Variants in ALMS1 observed in about 807,000 individuals in gnomAD.
The protein encoded by ALMS1 is centrosome-associated protein ALMS1.
Under a neutral mutation model 352.2 loss-of-function variants are expected in ALMS1, and 271 were observed. The ratio of observed to expected loss-of-function variants is 0.77; its 90% confidence interval spans 0.70 to 0.85. The LOEUF (loss-of-function observed/expected upper bound fraction) is 0.85, where lower values mean the gene tolerates loss of function less well. ALMS1 is among the 40% of genes least tolerant of loss of function. The pLI, the probability that ALMS1 is intolerant of heterozygous loss-of-function variation, is 0.00. For missense variants in ALMS1, 5,445 were observed against 4,870.7 expected (o/e 1.12, Z -3.51); for synonymous variants, 1,865 against 1,761.2 (o/e 1.06, Z -1.48).
chr2:73,465,060 A>T (rs7596893), intron 9 of ALMS1, among the ~76,000 whole-genome samples: 3 of 152,064 alleles, frequency 2.0e-5, no homozygotes, highest in African/African-American at 7.2e-5. Flanking sequence ...CCATCAAGCT[A>T]CCAGTGGTAA....
At chr2:73,472,922 G>A (rs182721562) in intron 9 of ALMS1, among the ~76,000 whole-genome samples, 1 of 152,180 alleles carries the variant, frequency 6.6e-6, no homozygotes, top group Admixed American at 6.6e-5. Context: ...AAAAGCCAGA[G>A]TATCAGCTGT....
At chr2:73,396,471 A>G (rs1344567328) in intron 1 of ALMS1, among the ~76,000 whole-genome samples, 1 of 144,482 alleles carries the variant, frequency 6.9e-6, no homozygotes, top group Non-Finnish European at 1.5e-5. Flanking sequence ...AAGTATTCCT[A>G]TTGGTTTTGG....
intron 2 of ALMS1, among the ~76,000 whole-genome samples, chr2:73,417,523 A>C (rs1347834172): frequency 1.3e-5 from 2 of 152,204 alleles, no homozygotes; most frequent in African/African-American, 4.8e-5. Flanking sequence ...AAACATTTAA[A>C]CGTCTGATCT....
chr2:73,486,708 T>C (rs114781490), intron 9 of ALMS1, among the ~76,000 whole-genome samples: 75 of 152,344 alleles, frequency 4.9e-4, no homozygotes, highest in African/African-American at 1.8e-3. Context: ...ATTTGTTTTA[T>C]ATATATTTTC....
chr2:73,513,234 T>C (rs1444755035), intron 10 of ALMS1, among the ~76,000 whole-genome samples: 2 of 151,966 alleles, frequency 1.3e-5, no homozygotes, highest in East Asian at 3.9e-4. Context: ...CTCCTCAACA[T>C]GTATAGCACC....
At chr2:73,386,320 C>A (rs927643756) in intron 1 of ALMS1, 128 bp downstream of exon 1, 28 of 1,302,406 alleles carry the variant, frequency 2.1e-5, no homozygotes, top group Middle Eastern at 2.7e-4. Flanking sequence ...GGCTAGTAGG[C>A]GGCCCAGACT....
upstream of ALMS1, chr2:73,385,827 C>T: frequency 1.4e-6 from 1 of 690,068 alleles, no homozygotes; most frequent in Non-Finnish European, 2.6e-6. Flanking sequence ...CCTCCCTCCC[C>T]CCCTCCTCCT....
At chr2:73,511,124 C>G (rs1235404861) in intron 10 of ALMS1, among the ~76,000 whole-genome samples, 1 of 152,210 alleles carries the variant, frequency 6.6e-6, no homozygotes, top group Non-Finnish European at 1.5e-5. Context: ...TTGCTGGACT[C>G]CTTGGGGGTG....
intron 16 of ALMS1, among the ~76,000 whole-genome samples, chr2:73,583,665 G>A (rs953078545): frequency 6.6e-6 from 1 of 152,114 alleles, no homozygotes; most frequent in Non-Finnish European, 1.5e-5. Context: ...TTTTGTACAT[G>A]GTATAAGATA....
intron 13 of ALMS1, among the ~76,000 whole-genome samples, chr2:73,552,425 A>T (rs966517479): frequency 6.6e-6 from 1 of 152,230 alleles, no homozygotes; most frequent in Non-Finnish European, 1.5e-5. Context: ...GTTGAAACAG[A>T]TAAGCCTAAG....
chr2:73,453,242 G>T lies in ALMS1; in HGVS notation c.6715G>T (p.Ala2239Ser). The T allele has an allele frequency of 2.5e-6, 4 of 1,613,910 alleles. No homozygotes were observed. The highest frequency in any genetic ancestry group is 3.4e-6 in the Non-Finnish European group (4 of 1,179,956). ...DRVVINKPES[A>S]GFRDVGSEEI... ...AGTTGTAATAAATAAACCAGAATCTGCAGGTTTTAGAGATGTTGGCTCTGA... is the reference window on the plus strand; with the variant it reads ...AGTTGTAATAAATAAACCAGAATCTTCAGGTTTTAGAGATGTTGGCTCTGA... Residue 2239 changes from alanine (A) to serine (S), a missense_variant, in exon 8 of 23, where the codon GCA (alanine) becomes TCA (serine). Transcript: ENST00000613296.
At chr2:73,603,207 C>T in intron 20 of ALMS1, 34 bp from the exon 21 acceptor site, 1 of 1,608,004 alleles carries the variant, frequency 6.2e-7, no homozygotes, top group Non-Finnish European at 8.5e-7. Context: ...GGTTAAGTCA[C>T]TGTCCACTGA....
intron 7 of ALMS1, among the ~76,000 whole-genome samples, chr2:73,438,815 A>T (rs1671657074): frequency 6.6e-6 from 1 of 151,972 alleles, no homozygotes; most frequent in South Asian, 2.1e-4. Flanking sequence ...CCAATTTCTT[A>T]GTGCCTTTAC....
At position 73,519,866 on chromosome 2, in the gene ALMS1, A is replaced by G. The variant is rs770987613; in HGVS notation, c.9631A>G (p.Lys3211Glu). The G allele has an allele frequency of 3.7e-6, 6 of 1,614,124 alleles. No homozygotes were observed. Among genetic ancestry groups the G allele is most frequent in the Middle Eastern group, 1.6e-4 (1 of 6,062 alleles). ...TCAGATAACAACAGAAAGTCCAGAA[A>G]AGACCCTATTTTCATCTGAGATTTT... ...VTQITTESPE[K>E]TLFSSEIFIN... The change falls in exon 11 of 23, where the codon AAG (lysine) becomes GAG (glutamate). Residue 3211 changes from lysine (K) to glutamate (E), a missense_variant. Physicochemically the swap from Lys to Glu is moderately conservative, Grantham distance 56. Transcript: ENST00000613296.
intron 2 of ALMS1, among the ~76,000 whole-genome samples, chr2:73,410,234 C>T (rs1241825925): frequency 6.6e-6 from 1 of 151,952 alleles, no homozygotes; most frequent in African/African-American, 2.4e-5. Flanking sequence ...ACTAAAAATA[C>T]AAAAATTAGC....
At chr2:73,399,514 C>G (rs76731004) in intron 1 of ALMS1, among the ~76,000 whole-genome samples, 2,466 of 151,852 alleles carry the variant, frequency 0.016, 67 homozygotes, top group African/African-American at 0.056. Flanking sequence ...AGGTGCCACT[C>G]TTTTAAACAA....
intron 2 of ALMS1, among the ~76,000 whole-genome samples, chr2:73,418,501 C>A (rs2103699594): frequency 6.6e-6 from 1 of 152,284 alleles, no homozygotes; most frequent in East Asian, 1.9e-4. Flanking sequence ...GAAAGTGGCT[C>A]AACAGCTTTG....
chr2:73,411,159 T>A (rs1671069055), intron 2 of ALMS1, among the ~76,000 whole-genome samples: 1 of 151,958 alleles, frequency 6.6e-6, no homozygotes, highest in South Asian at 2.1e-4. Flanking sequence ...TAATCCAATC[T>A]AACTGGTGTC....
At chr2:73,395,024 A>ATGTG (rs1558628392) in intron 1 of ALMS1, among the ~76,000 whole-genome samples, 1 of 139,334 alleles carries the variant, frequency 7.2e-6, no homozygotes. Context: ...GTGTATATAT[A>ATGTG]TGTGTATATA....
Sources: gnomAD v4.1 joint callset for allele counts (sites outside exome capture counted in the v4.1 genomes callset) on GRCh38, gnomAD v4.1.1 for gene constraint, MANE v1.5 for transcripts, NCBI Gene and HGNC (gene_info 2026-07-23, HGNC 2026-07-21) for gene names.